Variants in ZNF398 observed in about 807,000 individuals in gnomAD.
ZNF398 encodes the protein zinc finger DNA binding protein ZER6.
ZNF398 carries 18 observed loss-of-function variants against 41.9 expected under a neutral mutation model. The ratio of observed to expected loss-of-function variants is 0.43; its 90% CI spans 0.30 to 0.64. The LOEUF is 0.64. Ranked by LOEUF, ZNF398 falls within the 30% of genes least tolerant of loss-of-function variation. The probability of loss-of-function intolerance (pLI) is 0.14; values close to 1 mark genes in which losing one functional copy is unlikely to be tolerated. For synonymous variants in ZNF398, 260 were observed against 308.8 expected (o/e 0.84, Z 1.66); for missense variants, 669 against 822.8 (o/e 0.81, Z 2.29).
chr7:149,131,084 A>G (rs956206409), intron 2 of ZNF398, among the ~76,000 whole-genome samples: 5 of 152,188 alleles, frequency 3.3e-5, no homozygotes, highest in Non-Finnish European at 5.9e-5. Flanking sequence ...AGGAACTCAG[A>G]TAAGACAAAT....
At chr7:149,127,516 C>A in intron 1 of ZNF398, among the ~76,000 whole-genome samples, 1 of 132,936 alleles carries the variant, frequency 7.5e-6, no homozygotes, top group South Asian at 2.5e-4. Context: ...ACCATCCTGG[C>A]TAACGGCGAA....
chr7:149,175,876 G>T (rs1363985443), intron 4 of ZNF398, among the ~76,000 whole-genome samples: 1 of 151,978 alleles, frequency 6.6e-6, no homozygotes, highest in Non-Finnish European at 1.5e-5. Context: ...AGTAGAGACA[G>T]GGTTTTGCCA....
At chr7:149,142,177 C>T (rs1270220558) in intron 2 of ZNF398, among the ~76,000 whole-genome samples, 3 of 152,010 alleles carry the variant, frequency 2.0e-5, no homozygotes, top group Non-Finnish European at 4.4e-5. Context: ...GTTGAGATTT[C>T]CCCAAGATCT....
At chr7:149,157,005 A>G (rs1480058609) in intron 2 of ZNF398, among the ~76,000 whole-genome samples, 1 of 152,148 alleles carries the variant, frequency 6.6e-6, no homozygotes, top group African/African-American at 2.4e-5. Context: ...TATAAATAAC[A>G]AAGTTGTGTT....
At chr7:149,169,740 C>T (rs779939943) in intron 4 of ZNF398, among the ~76,000 whole-genome samples, 5 of 151,664 alleles carry the variant, frequency 3.3e-5, no homozygotes, top group Admixed American at 6.6e-5. Flanking sequence ...GCCTGAGCCA[C>T]CACACCCAAC....
intron 4 of ZNF398, among the ~76,000 whole-genome samples, chr7:149,173,921 G>C (rs983869433): frequency 3.8e-4 from 58 of 151,760 alleles, no homozygotes; most frequent in African/African-American, 1.4e-3. Context: ...AGCCTCCTGG[G>C]CAGCTAGGAA....
intron 1 of ZNF398, chr7:149,148,041 G>C (rs1425409500): frequency 5.5e-6 from 2 of 365,964 alleles, no homozygotes; most frequent in Non-Finnish European, 9.7e-6. Context: ...GGTTGAAGTC[G>C]AGGGGGTGCC....
At chr7:149,143,453 C>G (rs1392431260), upstream of ZNF398, among the ~76,000 whole-genome samples, 2 of 152,156 alleles carry the variant, frequency 1.3e-5, no homozygotes, top group Non-Finnish European at 2.9e-5. Context: ...AAGGAAGATG[C>G]TGAAATTGGT....
At chr7:149,149,499 G>A (rs1302849178) in intron 1 of ZNF398, among the ~76,000 whole-genome samples, 1 of 152,042 alleles carries the variant, frequency 6.6e-6, no homozygotes, top group African/African-American at 2.4e-5. Flanking sequence ...AAAGTGCTGG[G>A]ATTACAGGCG....
intron 4 of ZNF398, among the ~76,000 whole-genome samples, chr7:149,171,349 AC>A (rs1795339338): frequency 6.6e-6 from 1 of 151,708 alleles, no homozygotes; most frequent in African/African-American, 2.4e-5. Flanking sequence ...TTTTTCTATA[AC>A]TTTTTCCTAT....
intron 2 of ZNF398, among the ~76,000 whole-genome samples, chr7:149,160,214 G>A (rs1479511174): frequency 3.9e-5 from 6 of 152,218 alleles, no homozygotes; most frequent in South Asian, 2.1e-4. Context: ...CAAGGCGGGC[G>A]GATCACAAGG....
At chr7:149,159,754 ACT>A (rs886711008) in intron 2 of ZNF398, among the ~76,000 whole-genome samples, 12 of 151,066 alleles carry the variant, frequency 7.9e-5, no homozygotes, top group African/African-American at 2.9e-4. Flanking sequence ...ATGGAGTCTC[ACT>A]CTGTCTCTGT....
chr7:149,171,420 T>C (rs1004843646), intron 4 of ZNF398, among the ~76,000 whole-genome samples: 6 of 151,802 alleles, frequency 4.0e-5, no homozygotes, highest in African/African-American at 1.5e-4. Flanking sequence ...CCAGGCTGGA[T>C]TGCAGTGGCG....
intron 2 of ZNF398, among the ~76,000 whole-genome samples, chr7:149,134,659 A>G (rs534413512): frequency 3.3e-5 from 5 of 151,772 alleles, no homozygotes; most frequent in South Asian, 4.2e-4. Context: ...AAAGAGTAAC[A>G]CCTAATCATT....
chr7:149,133,355 C>A (rs10282038), intron 2 of ZNF398, among the ~76,000 whole-genome samples: 6,977 of 151,974 alleles, frequency 0.046, 515 homozygotes, highest in African/African-American at 0.16. Context: ...CTCAAGTGAT[C>A]TGCCCACCCC....
At chr7:149,127,071 C>T (rs1826496155) in intron 1 of ZNF398, among the ~76,000 whole-genome samples, 1 of 152,094 alleles carries the variant, frequency 6.6e-6, no homozygotes, top group Admixed American at 6.6e-5. Context: ...CGGGAGAAGA[C>T]GGAGGAGGCC....
intron 1 of ZNF398, chr7:149,151,248 T>A (rs1354025645): frequency 2.4e-6 from 3 of 1,246,318 alleles, no homozygotes; most frequent in Admixed American, 5.3e-5. Context: ...GAAAGAATGA[T>A]TGGACTGATT....
At chr7:149,163,117 A>G (rs1386950646) in intron 2 of ZNF398, among the ~76,000 whole-genome samples, 3 of 152,218 alleles carry the variant, frequency 2.0e-5, no homozygotes, top group Non-Finnish European at 1.5e-5. Context: ...AGGTCCCAGT[A>G]GGCCAAAAAT....
At chr7:149,160,969 C>G (rs1268557586) in intron 2 of ZNF398, among the ~76,000 whole-genome samples, 1 of 152,162 alleles carries the variant, frequency 6.6e-6, no homozygotes, top group Non-Finnish European at 1.5e-5. Flanking sequence ...TGTCTCTGCT[C>G]TGCACCCCAA....
Sources: gnomAD v4.1 joint callset for allele counts (sites outside exome capture counted in the v4.1 genomes callset) on GRCh38, gnomAD v4.1.1 for gene constraint, MANE v1.5 for transcripts, NCBI Gene and HGNC (gene_info 2026-07-23, HGNC 2026-07-21) for gene names.